PLEKHA7: variants seen among roughly 807,000 people sequenced by gnomAD.
The protein encoded by PLEKHA7 is pleckstrin homology domain-containing family A member 7.
PLEKHA7 carries 104 observed loss-of-function variants against 170.0 expected under a neutral mutation model. That is an observed-to-expected ratio of 0.61 (90% CI 0.52 to 0.72). The LOEUF is 0.72. PLEKHA7 is among the 30% of genes least tolerant of loss of function. The pLI is 0.00. For synonymous variants in PLEKHA7, 648 were observed against 660.8 expected, an observed-to-expected ratio of 0.98 and a Z score of 0.30; for missense variants, 1,615 against 1,671.7, an observed-to-expected ratio of 0.97 and a Z score of 0.59.
chr11:17,005,039 G>A (rs1864899150), intron 3 of PLEKHA7, among the ~76,000 whole-genome samples: 1 of 152,148 alleles, frequency 6.6e-6, no homozygotes, highest in Non-Finnish European at 1.5e-5. Context: ...GTACCTCACT[G>A]AATTGCCAAA....
At chr11:16,803,562 A>T in intron 13 of PLEKHA7, 1 of 449,414 alleles carries the variant, frequency 2.2e-6, no homozygotes, top group African/African-American at 2.0e-5. Flanking sequence ...TTAAAGGATC[A>T]TCAATTTTAA....
chr11:17,011,354 T>C (rs1865314856), intron 3 of PLEKHA7, among the ~76,000 whole-genome samples: 1 of 151,992 alleles, frequency 6.6e-6, no homozygotes, highest in South Asian at 2.1e-4. Flanking sequence ...TTCCTCTCAG[T>C]GGGATCATTC....
intron 3 of PLEKHA7, among the ~76,000 whole-genome samples, chr11:16,940,529 C>A (rs1001850851): frequency 1.3e-5 from 2 of 151,922 alleles, no homozygotes; most frequent in South Asian, 2.1e-4. Context: ...CTCAGGTGAT[C>A]CGCCCGCCTC....
chr11:16,915,805 T>C (rs1858619368), intron 3 of PLEKHA7, among the ~76,000 whole-genome samples: 1 of 149,162 alleles, frequency 6.7e-6, no homozygotes, highest in Admixed American at 6.6e-5. Context: ...CTATTGTGAA[T>C]AATGCCGCAA....
At chr11:16,786,855 T>G in intron 23 of PLEKHA7, 1 of 985,376 alleles carries the variant, frequency 1.0e-6, no homozygotes, top group Non-Finnish European at 1.2e-6. Context: ...TTGGGAATTT[T>G]CAACAAGATA....
chr11:16,997,843 T>C (rs952566045), intron 3 of PLEKHA7, among the ~76,000 whole-genome samples: 2 of 152,214 alleles, frequency 1.3e-5, no homozygotes, highest in East Asian at 3.9e-4. Context: ...ACCATGCCCA[T>C]GGACTCTGAC....
At chr11:16,807,144 G>A (rs1849045802) in intron 13 of PLEKHA7, 8 of 982,698 alleles carry the variant, frequency 8.1e-6, no homozygotes, top group South Asian at 4.7e-5. Context: ...ATCATCTTAC[G>A]CTTCTCCTGG....
chr11:16,872,075 T>C (rs942381449), intron 3 of PLEKHA7, among the ~76,000 whole-genome samples: 1 of 151,634 alleles, frequency 6.6e-6, no homozygotes, highest in East Asian at 1.9e-4. Context: ...TTCAAGTGAT[T>C]CTCCTGCTTC....
intron 3 of PLEKHA7, among the ~76,000 whole-genome samples, chr11:16,911,272 T>C (rs1373832287): frequency 6.6e-6 from 1 of 152,104 alleles, no homozygotes; most frequent in Admixed American, 6.5e-5. Flanking sequence ...CTACAGGGGT[T>C]CTCTCAAGGG....
intron 17 of PLEKHA7, among the ~76,000 whole-genome samples, chr11:16,799,646 C>T (rs1011379768): frequency 6.6e-6 from 1 of 152,192 alleles, no homozygotes; most frequent in Admixed American, 6.5e-5. Flanking sequence ...TTTATAAACT[C>T]ATAACCAGAA....
chr11:16,826,036 C>A (rs188282785), intron 10 of PLEKHA7, 84 bp downstream of exon 10: 18 of 1,367,566 alleles, frequency 1.3e-5, no homozygotes, highest in Non-Finnish European at 1.7e-5. Flanking sequence ...GCTGCCCTTA[C>A]GCAGCAAGTG....
At chr11:16,813,280 A>AG in intron 12 of PLEKHA7, 114 bp from the exon 13 acceptor site, 1 of 840,008 alleles carries the variant, frequency 1.2e-6, no homozygotes, top group Non-Finnish European at 1.9e-6. Flanking sequence ...AAGGAACCAC[A>AG]GCAGACCAAC....
At chr11:16,920,830 T>G (rs1431556263) in intron 3 of PLEKHA7, among the ~76,000 whole-genome samples, 2 of 152,222 alleles carry the variant, frequency 1.3e-5, no homozygotes, top group Non-Finnish European at 2.9e-5. Context: ...TAGAATCTCT[T>G]AAGCACACCT....
rs1393517775 is a variant in PLEKHA7 at position 16,888,399 on chromosome 11, G to GA, written c.222-17218dup. Among the ~76,000 whole-genome samples the GA allele has an allele frequency of 2.0e-5, 3 of 152,210 alleles. No individual in the cohort carries two copies. In the East Asian group the frequency reaches 5.8e-4, roughly 29 times the overall value. Reference sequence around the variant, plus strand: ...ATGACGATGGCGGTTTTGTTGAGTAGACGGGGGGGAAATGTGGGGAGGGGA... The same window carrying GA: ...ATGACGATGGCGGTTTTGTTGAGTAGAACGGGGGGGAAATGTGGGGAGGGGA... On this transcript the variant is annotated intron_variant, in intron 3 of 26. Coordinates refer to ENST00000531066, the MANE Select transcript of PLEKHA7 (RefSeq NM_001329630.2).
At chr11:16,822,488 T>C (rs1263721642) in intron 10 of PLEKHA7, among the ~76,000 whole-genome samples, 2 of 136,740 alleles carry the variant, frequency 1.5e-5, no homozygotes, top group African/African-American at 2.9e-5. Flanking sequence ...CTCAAGTGTC[T>C]GCTTTTGGTA....
chr11:16,987,484 C>T (rs908830735), intron 3 of PLEKHA7, among the ~76,000 whole-genome samples: 12 of 152,184 alleles, frequency 7.9e-5, no homozygotes, highest in South Asian at 4.1e-4. Flanking sequence ...ACCCTTGAGG[C>T]GTGGTGAAAA....
At chr11:16,816,402 G>A (rs1280346198) in intron 11 of PLEKHA7, 138 bp from the exon 12 acceptor site, 40 of 667,498 alleles carry the variant, frequency 6.0e-5, no homozygotes, top group Non-Finnish European at 8.0e-5. Context: ...TTACTCTCAG[G>A]GTTAGAACAC....
At chr11:16,936,401 CAAAAAAAAAAA>C (rs57104068) in intron 3 of PLEKHA7, among the ~76,000 whole-genome samples, 38 of 68,144 alleles carry the variant, frequency 5.6e-4, no homozygotes, top group Middle Eastern at 9.1e-3. Flanking sequence ...GACTCTGTCT[CAAAAAAAAAAA>C]AAAAAAAAAA....
At position 16,791,658 on chromosome 11, in the gene PLEKHA7, G is replaced by T. The variant is rs755645686; in HGVS notation, c.2746-459C>A. ...GCTCATTGGCCCTACACGAGCTCTG[G>T]CGCCTTCAGCAAGGTGGGGACCTGA... On this transcript the variant is annotated intron_variant, in intron 19 of 26. Transcript: ENST00000531066. This position sits in a 1 kb window ranked among gnomAD's most constrained non-coding sequence, Gnocchi z 4.5. 2.2e-6 allele frequency: 1 copy of T among 459,488 alleles called. No individual in the cohort carries two copies. The highest frequency in any genetic ancestry group is 1.5e-5 in the South Asian group (1 of 64,600). 28.5% of individuals were successfully genotyped at this position (459,488 alleles called of 1,614,324 possible). A position where few individuals can be genotyped will look rare whatever the true frequency, so the allele number is the denominator to read the frequency against.
Sources: gnomAD v4.1 joint callset for allele counts (sites outside exome capture counted in the v4.1 genomes callset) on GRCh38, gnomAD v4.1.1 for gene constraint, Gnocchi (gnomAD v3.1) non-coding constraint, MANE v1.5 for transcripts, NCBI Gene and HGNC (gene_info 2026-07-23, HGNC 2026-07-21) for gene names.